MSR1: variants seen among roughly 807,000 people sequenced by gnomAD.
MSR1 encodes the protein macrophage scavenger receptor 1.
MSR1 carries 53 observed loss-of-function variants against 47.2 expected under a neutral mutation model. The ratio of observed to expected loss-of-function variants is 1.12; its 90% CI spans 0.90 to 1.41. The LOEUF (loss-of-function observed/expected upper bound fraction) is 1.41, where lower values mean the gene tolerates loss of function less well. Among genes scored for constraint, MSR1 ranks in the 40% most tolerant of loss-of-function variants. The pLI is 0.00. For missense variants in MSR1, 786 were observed against 546.9 expected (o/e 1.44, Z -4.36); for synonymous variants, 239 against 185.6 (o/e 1.29, Z -2.34).
chr8:16,164,178 T>G lies in MSR1; in HGVS notation c.704A>C (p.His235Pro). 1 of 1,612,352 alleles carries G rather than the reference T, an allele frequency of 6.2e-7. No individual in the cohort carries two copies. The highest frequency in any genetic ancestry group is 8.5e-7 in the Non-Finnish European group (1 of 1,178,874). ...EIMAMKEEQVHLEQEIKGEVK... is the reference protein window; with the variant it reads ...EIMAMKEEQVPLEQEIKGEVK... ...TTCTCCTTTTATTTCCTGTTCCAAA[T>G]GCACTTGTTCTTCTTTCATAGCCAT... Residue 235 changes from histidine to proline, a missense_variant, in exon 5 of 10, where the codon CAT becomes CCT. Coordinates refer to ENST00000262101, the MANE Select transcript of MSR1 (RefSeq NM_138715.3).
intron 8 of MSR1, chr8:16,121,170 G>A (rs1350714396): frequency 7.0e-6 from 3 of 426,770 alleles, no homozygotes; most frequent in Non-Finnish European, 1.4e-5. Flanking sequence ...TTGTTGTGAG[G>A]TTCCTGGATT....
rs1802001390 is a variant in MSR1, at chr8:16,186,408, C to G, written c.-5+6190G>C. 13 of 535,108 alleles carry G rather than the reference C, an allele frequency of 2.4e-5. No homozygotes were observed. In the South Asian group the frequency reaches 3.8e-4, roughly 16 times the overall value. 33.1% of individuals were successfully genotyped at this position (535,108 alleles called of 1,614,324 possible). A position where few individuals can be genotyped will look rare whatever the true frequency, so the allele number is the denominator to read the frequency against. ...TTTATCTCTTGCCCATAGCTCGTCT[C>G]TCAACTACAAACCCATATATGCACT... is the stretch of plus-strand genomic sequence containing the variant. On this transcript the variant is annotated intron_variant, in intron 1 of 9. Coordinates refer to ENST00000262101, the MANE Select transcript of MSR1 (RefSeq NM_138715.3).
chr8:16,190,847 G>C (rs1004682953), intron 1 of MSR1, among the ~76,000 whole-genome samples: 1 of 151,748 alleles, frequency 6.6e-6, no homozygotes, highest in African/African-American at 2.4e-5. Context: ...TCAGACTCCG[G>C]AGTAACTGGG....
intron 8 of MSR1, among the ~76,000 whole-genome samples, chr8:16,126,746 G>A (rs913386987): frequency 6.6e-6 from 1 of 152,090 alleles, no homozygotes; most frequent in South Asian, 2.1e-4. Context: ...TTGAAGAGAC[G>A]GGATTTCACC....
chr8:16,174,788 T>A (rs549323715), intron 3 of MSR1, among the ~76,000 whole-genome samples: 36 of 152,256 alleles, frequency 2.4e-4, no homozygotes, highest in South Asian at 1.2e-3. Flanking sequence ...GCTTTTTTTT[T>A]ATATTATAGC....
chr8:16,123,480 G>A (rs1322917612), intron 8 of MSR1, among the ~76,000 whole-genome samples: 1 of 151,378 alleles, frequency 6.6e-6, no homozygotes, highest in African/African-American at 2.4e-5. Flanking sequence ...AAGAATGTCT[G>A]TCGTTTCTTT....
chr8:16,190,097 C>T (rs956128186), intron 1 of MSR1, among the ~76,000 whole-genome samples: 6 of 151,398 alleles, frequency 4.0e-5, no homozygotes, highest in Admixed American at 2.6e-4. Context: ...TATTTTTCAC[C>T]GCGTTCATCC....
chr8:16,110,870 T>A (rs1045718739), intron 9 of MSR1, among the ~76,000 whole-genome samples: 6 of 152,156 alleles, frequency 3.9e-5, no homozygotes, highest in Non-Finnish European at 7.4e-5. Context: ...AAGCAAAGGT[T>A]TTCCTGAGCT....
intron 1 of MSR1, among the ~76,000 whole-genome samples, chr8:16,185,857 A>AC (rs796291108): frequency 2.2e-4 from 34 of 152,022 alleles, no homozygotes; most frequent in African/African-American, 8.2e-4. Context: ...AAAAAAAAAA[A>AC]AAAACACCAC....
intron 8 of MSR1, among the ~76,000 whole-genome samples, chr8:16,132,018 C>T (rs1341939572): frequency 1.3e-5 from 2 of 149,954 alleles, no homozygotes; most frequent in Non-Finnish European, 3.0e-5. Context: ...TTTCTAATTA[C>T]GTGAAGAATG....
intron 8 of MSR1, among the ~76,000 whole-genome samples, chr8:16,134,748 T>A (rs1489514340): frequency 6.6e-6 from 1 of 152,112 alleles, no homozygotes; most frequent in Non-Finnish European, 1.5e-5. Context: ...TTTACCTAAG[T>A]TGTAAATGTG....
chr8:16,132,123 T>A (rs1800274993), intron 8 of MSR1, among the ~76,000 whole-genome samples: 1 of 152,128 alleles, frequency 6.6e-6, no homozygotes, highest in Non-Finnish European at 1.5e-5. Context: ...TCCATGAGCT[T>A]GGAATGTTTT....
chr8:16,176,404 G>C (rs543176922), intron 2 of MSR1, among the ~76,000 whole-genome samples: 6 of 152,016 alleles, frequency 3.9e-5, no homozygotes, highest in Non-Finnish European at 8.8e-5. Flanking sequence ...ATACTTACGA[G>C]GCTGAGGTAG....
At chr8:16,116,004 A>T (rs897999474) in intron 9 of MSR1, among the ~76,000 whole-genome samples, 1 of 151,976 alleles carries the variant, frequency 6.6e-6, no homozygotes, top group Non-Finnish European at 1.5e-5. Context: ...AAAAAATCTA[A>T]GTCATATTAG....
intron 1 of MSR1, among the ~76,000 whole-genome samples, chr8:16,189,041 C>T (rs618856): frequency 0.14 from 19,469 of 141,402 alleles, 1,850 homozygotes; most frequent in African/African-American, 0.24. Flanking sequence ...GTAGCAAAGA[C>T]TTGCTTATAT....
chr8:16,133,090 AT>A (rs1800301979), intron 8 of MSR1, among the ~76,000 whole-genome samples: 2 of 152,128 alleles, frequency 1.3e-5, no homozygotes, highest in South Asian at 4.1e-4. Context: ...AAACTTTTCC[AT>A]TATTAGTAAA....
At chr8:16,183,242 A>G (rs1310102376) in intron 1 of MSR1, among the ~76,000 whole-genome samples, 1 of 152,050 alleles carries the variant, frequency 6.6e-6, no homozygotes. Flanking sequence ...ACTGAAATGC[A>G]AAATAAACAG....
intron 1 of MSR1, among the ~76,000 whole-genome samples, chr8:16,183,219 T>C (rs1390671199): frequency 6.6e-6 from 1 of 152,112 alleles, no homozygotes. Context: ...TGAGATATTC[T>C]GCCTCCATTT....
chr8:16,177,936 G>A lies in MSR1; in HGVS notation c.53C>T (p.Ser18Phe). 6.2e-7 allele frequency: 1 copy of A among 1,613,894 alleles called. No individual in the cohort carries two copies. The highest frequency in any genetic ancestry group is 8.5e-7 in the Non-Finnish European group (1 of 1,179,934). The change falls in exon 2 of 10, where the codon TCC becomes TTC. Residue 18 changes from serine (S) to phenylalanine (F), a missense_variant. Coordinates refer to ENST00000262101, the MANE Select transcript of MSR1 (RefSeq NM_138715.3). ...GCGAGCATCAAATTTCACAGATTCG[G>A]AGCAGCTATCAGTGTCCTCCTGTTG... ...HNQQEDTDSC[S>F]ESVKFDARSM...
Sources: allele counts gnomAD v4.1 joint callset (sites outside exome capture counted in the v4.1 genomes callset), GRCh38; gene constraint gnomAD v4.1.1; transcripts MANE v1.5; gene names NCBI Gene and HGNC (gene_info 2026-07-23, HGNC 2026-07-21).